MAP4K3: variants seen among roughly 807,000 people sequenced by gnomAD.
The protein encoded by MAP4K3 is MAPK/ERK kinase kinase kinase 3.
In MAP4K3, 94 loss-of-function variants were observed where a neutral mutation model predicts 143.5. The ratio of observed to expected loss-of-function variants is 0.65; its 90% CI spans 0.55 to 0.78. The LOEUF is 0.78. MAP4K3 is among the 30% of genes least tolerant of loss of function. The pLI, the probability that MAP4K3 is intolerant of heterozygous loss-of-function variation, is 0.00. For missense variants in MAP4K3, 1,077 were observed against 1,068.1 expected, an observed-to-expected ratio of 1.01 and a Z score of -0.12; for synonymous variants, 416 against 347.2, an observed-to-expected ratio of 1.20 and a Z score of -2.20.
intron 1 of MAP4K3, among the ~76,000 whole-genome samples, chr2:39,429,064 C>CA (rs34783806): frequency 0.79 from 47,570 of 60,346 alleles, 19,689 homozygotes; most frequent in South Asian, 0.9. Context: ...GACTCCGTCT[C>CA]AAAAAAAAAA....
intron 1 of MAP4K3, among the ~76,000 whole-genome samples, chr2:39,405,047 T>C (rs1667057735): frequency 1.3e-5 from 2 of 152,200 alleles, no homozygotes. Flanking sequence ...CATCTGCTGA[T>C]TACAGATACC....
chr2:39,431,102 C>A (rs1361711920), intron 1 of MAP4K3, among the ~76,000 whole-genome samples: 1 of 152,148 alleles, frequency 6.6e-6, no homozygotes, highest in Non-Finnish European at 1.5e-5. Context: ...AAGAGACAGG[C>A]TATAAACAAA....
intron 2 of MAP4K3, among the ~76,000 whole-genome samples, chr2:39,373,710 TC>T (rs1445793859): frequency 6.6e-6 from 1 of 152,214 alleles, no homozygotes; most frequent in African/African-American, 2.4e-5. Flanking sequence ...TCACATGTTC[TC>T]ATTTATCTGT....
chr2:39,365,287 G>A (rs932393120), intron 2 of MAP4K3, among the ~76,000 whole-genome samples: 1 of 152,088 alleles, frequency 6.6e-6, no homozygotes, highest in Non-Finnish European at 1.5e-5. Context: ...AGGGTATAAT[G>A]AGGATGTCGG....
intron 23 of MAP4K3, among the ~76,000 whole-genome samples, chr2:39,279,453 T>C (rs1681420586): frequency 6.6e-6 from 1 of 152,176 alleles, no homozygotes; most frequent in Non-Finnish European, 1.5e-5. Context: ...TATATAAAAA[T>C]GTTCACGTAT....
chr2:39,357,883 C>G (rs1036780825), intron 2 of MAP4K3, among the ~76,000 whole-genome samples: 2 of 152,156 alleles, frequency 1.3e-5, no homozygotes, highest in Non-Finnish European at 2.9e-5. Flanking sequence ...GAGTTGCATA[C>G]AGTAAAAGTT....
chr2:39,423,066 T>C (rs1386558265), intron 1 of MAP4K3, among the ~76,000 whole-genome samples: 1 of 152,256 alleles, frequency 6.6e-6, no homozygotes, highest in East Asian at 1.9e-4. Flanking sequence ...CAAAGAACTC[T>C]TTAAATTCAA....
chr2:39,316,160 C>T (rs969653267), intron 12 of MAP4K3, among the ~76,000 whole-genome samples: 5 of 151,812 alleles, frequency 3.3e-5, no homozygotes, highest in African/African-American at 1.2e-4. Flanking sequence ...AATTATTTGC[C>T]TTTAATTTGC....
chr2:39,418,212 A>G (rs1044767286), intron 1 of MAP4K3, among the ~76,000 whole-genome samples: 1 of 151,986 alleles, frequency 6.6e-6, no homozygotes, highest in Non-Finnish European at 1.5e-5. Flanking sequence ...CAAAAAAAAA[A>G]AAAAAACAAA....
chr2:39,418,659 G>A (rs1383234135), intron 1 of MAP4K3, among the ~76,000 whole-genome samples: 1 of 151,888 alleles, frequency 6.6e-6, no homozygotes, highest in Non-Finnish European at 1.5e-5. Flanking sequence ...AATATTGCCA[G>A]TGATAAATTA....
At chr2:39,397,573 A>G (rs965107310) in intron 1 of MAP4K3, among the ~76,000 whole-genome samples, 58 of 152,306 alleles carry the variant, frequency 3.8e-4, no homozygotes, top group African/African-American at 1.3e-3. Context: ...TACAAACCCA[A>G]TAAAAGTATC....
At chr2:39,276,800 C>T (rs1681272195) in intron 24 of MAP4K3, among the ~76,000 whole-genome samples, 1 of 152,162 alleles carries the variant, frequency 6.6e-6, no homozygotes, top group Non-Finnish European at 1.5e-5. Context: ...TAAAAGCTCC[C>T]CCCACTCATT....
intron 9 of MAP4K3, 85 bp from the exon 10 acceptor site, chr2:39,326,046 A>C: frequency 6.6e-7 from 1 of 1,516,172 alleles, no homozygotes; most frequent in South Asian, 1.2e-5. Context: ...TTTGTTCCCC[A>C]AATAAGGTAA....
chr2:39,255,617 G>T (rs1680312617), intron 31 of MAP4K3, among the ~76,000 whole-genome samples: 2 of 152,040 alleles, frequency 1.3e-5, no homozygotes, highest in Admixed American at 6.6e-5. Context: ...TTTCAATATT[G>T]GGTAGAAAAC....
intron 16 of MAP4K3, among the ~76,000 whole-genome samples, chr2:39,293,591 T>C (rs549704376): frequency 3.3e-5 from 5 of 152,272 alleles, no homozygotes; most frequent in African/African-American, 1.2e-4. Flanking sequence ...AAAACAATAA[T>C]TGCAGGGTCA....
chr2:39,277,011 T>C (rs1681285900), intron 24 of MAP4K3, among the ~76,000 whole-genome samples: 1 of 152,256 alleles, frequency 6.6e-6, no homozygotes, highest in Non-Finnish European at 1.5e-5. Context: ...GTGAATTATA[T>C]CTCGATAAAA....
chr2:39,301,014 G>A (rs561694686), intron 15 of MAP4K3, among the ~76,000 whole-genome samples: 1 of 152,134 alleles, frequency 6.6e-6, no homozygotes, highest in South Asian at 2.1e-4. Context: ...GCCTCGTTAA[G>A]ATACACAAAG....
At chr2:39,255,967 G>A (rs1229979842) in intron 31 of MAP4K3, among the ~76,000 whole-genome samples, 1 of 152,164 alleles carries the variant, frequency 6.6e-6, no homozygotes, top group Admixed American at 6.5e-5. Context: ...TGGACATGAT[G>A]TAGTTCTTCA....
At chr2:39,325,036 C>G (rs1160871568) in intron 12 of MAP4K3, among the ~76,000 whole-genome samples, 1 of 152,044 alleles carries the variant, frequency 6.6e-6, no homozygotes, top group Non-Finnish European at 1.5e-5. Context: ...AGGCAGGTTT[C>G]AAACTCCTGG....
Sources: gnomAD v4.1 joint callset for allele counts (sites outside exome capture counted in the v4.1 genomes callset) on GRCh38, gnomAD v4.1.1 for gene constraint, MANE v1.5 for transcripts, NCBI Gene and HGNC (gene_info 2026-07-23, HGNC 2026-07-21) for gene names.